Variants in SH3PXD2A observed in about 807,000 individuals in gnomAD.
SH3PXD2A encodes SH3 and PX domains 2A.
In SH3PXD2A, 32 loss-of-function variants were observed where a neutral mutation model predicts 115.2. That is an observed-to-expected ratio of 0.28 (90% confidence interval 0.21 to 0.37). The LOEUF (loss-of-function observed/expected upper bound fraction) is 0.37. Among genes scored for constraint, SH3PXD2A ranks in the 10% least tolerant of loss-of-function variants. The probability of loss-of-function intolerance (pLI) is 1.00; values close to 1 mark genes in which losing one functional copy is unlikely to be tolerated. For synonymous variants in SH3PXD2A, 610 were observed against 629.1 expected (o/e 0.97, Z 0.45); for missense variants, 1,328 against 1,498.7 (o/e 0.89, Z 1.88).
At chr10:103,814,563 T>C (rs976476626) in intron 1 of SH3PXD2A, among the ~76,000 whole-genome samples, 1 of 152,100 alleles carries the variant, frequency 6.6e-6, no homozygotes, top group Non-Finnish European at 1.5e-5. Flanking sequence ...TGTGAAGTAA[T>C]GGGATGGCTG....
chr10:103,683,461 G>GCTA (rs917455719), intron 6 of SH3PXD2A, among the ~76,000 whole-genome samples: 8 of 152,012 alleles, frequency 5.3e-5, no homozygotes, highest in African/African-American at 1.9e-4. Context: ...TCGAGATTGG[G>GCTA]CTACTGCACT....
At chr10:103,702,222 T>A (rs1321508069) in intron 5 of SH3PXD2A, among the ~76,000 whole-genome samples, 1 of 152,252 alleles carries the variant, frequency 6.6e-6, no homozygotes, top group East Asian at 1.9e-4. Flanking sequence ...ACTGAAGGTC[T>A]GTTGTAGACC....
intron 12 of SH3PXD2A, among the ~76,000 whole-genome samples, chr10:103,612,200 T>C (rs1462602708): frequency 6.6e-6 from 1 of 152,244 alleles, no homozygotes; most frequent in Admixed American, 6.5e-5. Context: ...AAGGCATTAT[T>C]GGGCCAGAGA....
chr10:103,655,208 C>A (rs76628693), intron 8 of SH3PXD2A, among the ~76,000 whole-genome samples: 19 of 152,184 alleles, frequency 1.2e-4, no homozygotes, highest in Non-Finnish European at 2.2e-4. Context: ...GGGCCAGGCA[C>A]CACCTCTGTG....
intron 5 of SH3PXD2A, among the ~76,000 whole-genome samples, chr10:103,723,677 G>A (rs924469708): frequency 1.3e-5 from 2 of 152,158 alleles, no homozygotes; most frequent in Admixed American, 6.6e-5. Flanking sequence ...GCATGACTCT[G>A]GGGGAAAAGC....
At chr10:103,834,846 C>A (rs907741421) in intron 1 of SH3PXD2A, among the ~76,000 whole-genome samples, 1 of 152,234 alleles carries the variant, frequency 6.6e-6, no homozygotes, top group African/African-American at 2.4e-5. Flanking sequence ...AGCAGCCCTG[C>A]GGCCTGTAAC....
At chr10:103,700,312 G>A (rs74154597) in intron 5 of SH3PXD2A, among the ~76,000 whole-genome samples, 17,916 of 152,288 alleles carry the variant, frequency 0.12, 1,267 homozygotes, top group South Asian at 0.19. Flanking sequence ...CAGAGCTGTC[G>A]TGGGGATTAC....
intron 4 of SH3PXD2A, among the ~76,000 whole-genome samples, chr10:103,728,897 G>GTTTTTTTTTTTTTTTTTT (rs57283527): frequency 7.4e-6 from 1 of 135,920 alleles, no homozygotes; most frequent in African/African-American, 2.7e-5. Flanking sequence ...TTGTTTGTTT[G>GTTTTTTTTTTTTTTTTTT]TTTTTTTTTT....
chr10:103,639,608 TAAAAAAAAAAAAAAAAAA>T (rs1468284257), intron 8 of SH3PXD2A, among the ~76,000 whole-genome samples: 1 of 85,848 alleles, frequency 1.2e-5, no homozygotes, highest in Non-Finnish European at 2.3e-5. Context: ...GACTCCGTCT[TAAAAAAAAAAAAAAAAAA>T]GAAAAAGAAA....
intron 1 of SH3PXD2A, among the ~76,000 whole-genome samples, chr10:103,823,039 A>T (rs1397128615): frequency 6.6e-6 from 1 of 152,198 alleles, no homozygotes; most frequent in African/African-American, 2.4e-5. Context: ...GCCAACATAT[A>T]TCAAAATGAG....
intron 6 of SH3PXD2A, among the ~76,000 whole-genome samples, chr10:103,675,987 C>T (rs981111872): frequency 1.3e-5 from 2 of 151,462 alleles, no homozygotes; most frequent in Non-Finnish European, 1.5e-5. Context: ...TGCAGTGAGC[C>T]GAGATCGCGC....
intron 1 of SH3PXD2A, among the ~76,000 whole-genome samples, chr10:103,806,956 C>T (rs752738160): frequency 6.6e-6 from 1 of 152,212 alleles, no homozygotes; most frequent in Non-Finnish European, 1.5e-5. Context: ...TCTGGCCCAA[C>T]CAGTCCCACC....
rs1456796388 is a variant in SH3PXD2A, at chr10:103,602,724, A to G, written c.2494T>C (p.Cys832Arg). Residue 832 changes from cysteine (C) to arginine (R), a missense_variant, in exon 15 of 15, where the codon TGT becomes CGT. Around this residue, in one of 5 missense-constraint regions of SH3PXD2A, gnomAD observed 574 missense variants for 565.7 expected, o/e 1.01. Transcript: ENST00000369774. ...CCTTCCCATTCCTTCTTGGTGGGAC[A>G]TGGGGGAGTGGTGGCTGGGAGGGTG... ...LITLPATTPP[C>R]PTKKEWEGPA... 4 of 1,613,832 alleles carry G rather than the reference A, an allele frequency of 2.5e-6. No homozygotes were observed. The highest frequency in any genetic ancestry group is 1.3e-5 in the African/African-American group (1 of 74,870).
At chr10:103,617,085 G>C in intron 11 of SH3PXD2A, 112 bp downstream of exon 11, 1 of 741,456 alleles carries the variant, frequency 1.3e-6, no homozygotes. Context: ...CTGTGCCGTG[G>C]GCACAAAGCT....
At chr10:103,637,715 C>T (rs933309480) in intron 8 of SH3PXD2A, among the ~76,000 whole-genome samples, 9 of 152,108 alleles carry the variant, frequency 5.9e-5, no homozygotes, top group Non-Finnish European at 1.2e-4. Flanking sequence ...AGGGCATTTG[C>T]GAGCTCCAAG....
chr10:103,794,639 C>T (rs1405838421), intron 2 of SH3PXD2A, among the ~76,000 whole-genome samples: 1 of 152,250 alleles, frequency 6.6e-6, no homozygotes, highest in Non-Finnish European at 1.5e-5. Context: ...CACCTCCAAG[C>T]AACCCAGGCC....
intron 10 of SH3PXD2A, among the ~76,000 whole-genome samples, chr10:103,619,854 C>T (rs989794268): frequency 6.6e-6 from 1 of 152,214 alleles, no homozygotes; most frequent in African/African-American, 2.4e-5. Flanking sequence ...TCGTCCTGCC[C>T]CGGTCACTGC....
intron 3 of SH3PXD2A, among the ~76,000 whole-genome samples, chr10:103,763,273 G>A (rs1438508842): frequency 2.0e-5 from 3 of 152,190 alleles, no homozygotes; most frequent in Non-Finnish European, 2.9e-5. Context: ...ATGGGCCAAA[G>A]CAAATCAGCT....
At chr10:103,761,821 C>G (rs541765109) in intron 3 of SH3PXD2A, among the ~76,000 whole-genome samples, 1 of 152,156 alleles carries the variant, frequency 6.6e-6, no homozygotes, top group African/African-American at 2.4e-5. Context: ...TGTGGCAATT[C>G]CTTCTTGCCC....
Sources: gnomAD v4.1 joint callset for allele counts (sites outside exome capture counted in the v4.1 genomes callset) on GRCh38, gnomAD v4.1.1 for gene constraint, gnomAD v4.1.1 regional missense constraint, MANE v1.5 for transcripts, NCBI Gene and HGNC (gene_info 2026-07-23, HGNC 2026-07-21) for gene names.